Variants in ZCCHC14 observed in about 807,000 individuals in gnomAD.
The protein encoded by ZCCHC14 is zinc finger CCHC-type containing 14.
Under a neutral mutation model 85.0 loss-of-function variants are expected in ZCCHC14, and 16 were observed. The ratio of observed to expected loss-of-function variants is 0.19; its 90% confidence interval spans 0.13 to 0.29. The LOEUF (loss-of-function observed/expected upper bound fraction) is 0.29. ZCCHC14 is among the 10% of genes least tolerant of loss of function. ZCCHC14 has a pLI of 1.00. For missense variants in ZCCHC14, 1,303 were observed against 1,443.5 expected, an observed-to-expected ratio of 0.90 and a Z score of 1.58; for synonymous variants, 775 against 630.7, an observed-to-expected ratio of 1.23 and a Z score of -3.43.
chr16:87,432,824 G>T (rs1036936654), intron 3 of ZCCHC14, among the ~76,000 whole-genome samples: 1 of 152,172 alleles, frequency 6.6e-6, no homozygotes, highest in African/African-American at 2.4e-5. Flanking sequence ...TTCTGTGTGC[G>T]CTGCTCCGCA....
Position 87,413,139 on chromosome 16 carries a change from AG to A in ZCCHC14, c.1659del (p.Ser554ArgfsTer43). 6.2e-7 allele frequency: 1 copy of A among 1,610,962 alleles called. No individual in the cohort carries two copies. Among genetic ancestry groups the A allele is most frequent in the Non-Finnish European group, 8.5e-7 (1 of 1,178,652 alleles). ...PHHQLPREGSSSEYSSSSSSP... is the reference protein window; with the variant it reads ...PHHQLPREGSXSEYSSSSSSP... The stretch of plus-strand genomic sequence containing the variant: ...CTGGAGGAGGAGCTGGAGTACTCCG[AG>A]GAACTGCCTTCCCGGGGCAGCTGGT... On this transcript the variant is annotated frameshift_variant, in exon 11 of 13. Transcript: ENST00000671377. LOFTEE classifies it high-confidence loss of function.
chr16:87,457,542 T>C (rs1371102656), intron 2 of ZCCHC14, among the ~76,000 whole-genome samples: 3 of 152,246 alleles, frequency 2.0e-5, no homozygotes, highest in Admixed American at 6.5e-5. Flanking sequence ...AAGTTAGTCA[T>C]GTGCTTGGAC....
intron 2 of ZCCHC14, among the ~76,000 whole-genome samples, chr16:87,442,597 G>T (rs1295340162): frequency 6.6e-6 from 1 of 152,162 alleles, no homozygotes; most frequent in African/African-American, 2.4e-5. Flanking sequence ...AACTTTAGCG[G>T]TGGGACAATG....
chr16:87,487,464 C>T (rs536750944), intron 1 of ZCCHC14, among the ~76,000 whole-genome samples: 5 of 152,288 alleles, frequency 3.3e-5, no homozygotes, highest in Admixed American at 6.5e-5. Context: ...TGCACCAGCC[C>T]GGAGGCTCTG....
intron 1 of ZCCHC14, among the ~76,000 whole-genome samples, chr16:87,489,506 T>C (rs1912656111): frequency 6.6e-6 from 1 of 152,190 alleles, no homozygotes; most frequent in African/African-American, 2.4e-5. Context: ...GAAAGCAGCA[T>C]TTACTGCACC....
At chr16:87,419,478 T>C (rs1908974651) in intron 6 of ZCCHC14, among the ~76,000 whole-genome samples, 1 of 152,230 alleles carries the variant, frequency 6.6e-6, no homozygotes, top group African/African-American at 2.4e-5. Context: ...TTTTTTTGTA[T>C]TTTTAGTAGA....
intron 2 of ZCCHC14, among the ~76,000 whole-genome samples, chr16:87,446,472 A>T (rs1454491203): frequency 8.3e-6 from 1 of 120,138 alleles, no homozygotes; most frequent in African/African-American, 3.4e-5. Context: ...CGACAGAGGG[A>T]GACTCCATCT....
chr16:87,478,767 C>A (rs937671052), intron 1 of ZCCHC14, among the ~76,000 whole-genome samples: 2 of 151,948 alleles, frequency 1.3e-5, no homozygotes, highest in Non-Finnish European at 2.9e-5. Context: ...CCACCACGCC[C>A]GGCTAATTTT....
intron 1 of ZCCHC14, among the ~76,000 whole-genome samples, chr16:87,487,556 C>G (rs1471231945): frequency 6.6e-6 from 1 of 152,238 alleles, no homozygotes; most frequent in Non-Finnish European, 1.5e-5. Flanking sequence ...GCTCTGCACA[C>G]GGCACCTAGC....
At chr16:87,455,292 C>G (rs35726809) in intron 2 of ZCCHC14, among the ~76,000 whole-genome samples, 1 of 148,504 alleles carries the variant, frequency 6.7e-6, no homozygotes, top group Non-Finnish European at 1.5e-5. Context: ...CCGTCCCCCC[C>G]CGCCCCCGCA....
chr16:87,415,251 G>T lies in ZCCHC14; in HGVS notation c.1475+25C>A, dbSNP rs778519149. On this transcript the variant is annotated intron_variant, in intron 9 of 12. Coordinates refer to ENST00000671377, the MANE Select transcript of ZCCHC14 (RefSeq NM_015144.3). Reference sequence around the variant, plus strand: ...ACACGAGAAATGGAAATAAACACAGGTTTCAAAACCCACTTCACACTCACT... The same window carrying T: ...ACACGAGAAATGGAAATAAACACAGTTTTCAAAACCCACTTCACACTCACT... The T allele has an allele frequency of 9.3e-6, 15 of 1,610,128 alleles. No homozygotes were observed. In the East Asian group the frequency reaches 3.3e-4, roughly 36 times the overall value.
At chr16:87,481,154 G>C in intron 1 of ZCCHC14, among the ~76,000 whole-genome samples, 1 of 152,174 alleles carries the variant, frequency 6.6e-6, no homozygotes, top group East Asian at 1.9e-4. Flanking sequence ...ACAGCGGGCA[G>C]ACCCAGGCCA....
chr16:87,492,338 G>T lies in ZCCHC14; in HGVS notation c.-100C>A. On this transcript the variant is annotated 5_prime_UTR_variant, in exon 1 of 13. Coordinates refer to ENST00000671377, the MANE Select transcript of ZCCHC14 (RefSeq NM_015144.3). The surrounding 1 kb of genome is among the most constrained non-coding windows in gnomAD (Gnocchi z 6.7). ...GCCGGGGCGCGCCGGGACCGGGGACGCGCGGGCCGGGGCCGGGTCCGGGCG... is the reference window on the plus strand; with the variant it reads ...GCCGGGGCGCGCCGGGACCGGGGACTCGCGGGCCGGGGCCGGGTCCGGGCG... The T allele has an allele frequency of 2.8e-6, 1 of 354,306 alleles. No individual in the cohort carries two copies. Among genetic ancestry groups the T allele is most frequent in the Non-Finnish European group, 3.9e-6 (1 of 257,434 alleles). The allele number at this position is 354,306 out of a possible 1,614,324, so 21.9% of individuals were successfully genotyped here. A position where few individuals can be genotyped will look rare whatever the true frequency, so the allele number is the denominator to read the frequency against.
rs766504983 is a variant in ZCCHC14 at position 87,411,996 on chromosome 16, G to A, written c.2725C>T (p.Pro909Ser). 93 of 1,609,510 alleles carry A rather than the reference G, an allele frequency of 5.8e-5. No individual in the cohort carries two copies. Among genetic ancestry groups the A allele is most frequent in the Non-Finnish European group, 7.6e-5 (90 of 1,179,788 alleles). The stretch of plus-strand genomic sequence containing the variant: ...GGGGCGGGCTGCGGGGGTGCCGGGG[G>A]CTGCTGATGGTGGTGGTGGTGGTGG... ...NHHHHHHHQQ[P>S]PAPPQPAPPP... Residue 909 changes from proline (P) to serine (S), a missense_variant, in exon 12 of 13, where the codon CCC (proline) becomes TCC (serine). Physicochemically the swap from Pro to Ser is moderately conservative, Grantham distance 74. This residue lies in a region of ZCCHC14 where 797 missense variants were observed against 730.8 expected (regional missense o/e 1.09). Transcript: ENST00000671377.
At chr16:87,485,618 C>G (rs1245209272) in intron 1 of ZCCHC14, among the ~76,000 whole-genome samples, 2 of 144,602 alleles carry the variant, frequency 1.4e-5, no homozygotes, top group Admixed American at 1.4e-4. Context: ...GAAGAAGAAT[C>G]TTTTTCTAAA....
intron 2 of ZCCHC14, among the ~76,000 whole-genome samples, chr16:87,449,897 T>C (rs576339483): frequency 6.6e-6 from 1 of 152,154 alleles, no homozygotes; most frequent in African/African-American, 2.4e-5. Flanking sequence ...ATATGAAAAT[T>C]ACCTGGGTGT....
rs1203130819 is a variant in ZCCHC14, at chr16:87,491,921, G to A, written c.318C>T (p.Tyr106=). The A allele has an allele frequency of 8.1e-6, 12 of 1,485,938 alleles. No homozygotes were observed. Among genetic ancestry groups the A allele is most frequent in the East Asian group, 2.8e-5 (1 of 35,856 alleles). 92.0% of individuals were successfully genotyped at this position (1,485,938 alleles called of 1,614,324 possible). The change falls in exon 1 of 13, where the codon TAC becomes TAT. Residue 106 remains tyrosine, a synonymous_variant. Coordinates refer to ENST00000671377, the MANE Select transcript of ZCCHC14 (RefSeq NM_015144.3). The surrounding 1 kb of genome is among the most constrained non-coding windows in gnomAD (Gnocchi z 5.9). ...SEQREAAGVL[Y]RTLTHIDSII... is the part of the protein sequence containing the mutation. The stretch of plus-strand genomic sequence containing the variant: ...TGGAGTCGATGTGCGTGAGCGTGCG[G>A]TAGAGCACGCCCGCCGCCTCGCGCT...
In ZCCHC14 at chr16:87,417,639, C is replaced by T. The variant is rs1233005219; in HGVS notation, c.1204G>A (p.Ala402Thr). ...SAAPLPHCSH[A>T]GSAGSALAYR... ...GCCAGGGCTGAGCCCGCGCTGCCCG[C>T]ATGGGAGCAGTGAGGCAAGGGGGCG... The change falls in exon 8 of 13, where the codon GCG becomes ACG. Residue 402 changes from alanine to threonine, a missense_variant. By Grantham distance (58) the Ala-to-Thr change is moderately conservative (BLOSUM62 0). Transcript: ENST00000671377. 21 of 1,613,902 alleles carry T rather than the reference C, an allele frequency of 1.3e-5. No individual in the cohort carries two copies. The highest frequency in any genetic ancestry group is 1.8e-5 in the Non-Finnish European group (21 of 1,179,980).
intron 2 of ZCCHC14, among the ~76,000 whole-genome samples, chr16:87,453,547 G>A (rs1334318073): frequency 2.0e-5 from 3 of 152,206 alleles, no homozygotes; most frequent in African/African-American, 7.2e-5. Flanking sequence ...CTCTGCACGT[G>A]CCCGCCACAC....
Sources: allele counts gnomAD v4.1 joint callset (sites outside exome capture counted in the v4.1 genomes callset), GRCh38; gene constraint gnomAD v4.1.1; regional missense constraint gnomAD v4.1.1; non-coding constraint Gnocchi (gnomAD v3.1); transcripts MANE v1.5; gene names NCBI Gene and HGNC (gene_info 2026-07-23, HGNC 2026-07-21).